The following PANK1 variants were observed in gnomAD, a reference collection of about 807,000 sequenced individuals.
The protein encoded by PANK1 is pantothenic acid kinase 1.
In PANK1, 18 loss-of-function variants were observed where a neutral mutation model predicts 40.1. That is an observed-to-expected ratio of 0.45 (90% CI 0.31 to 0.67). PANK1 has a LOEUF of 0.67. Among genes scored for constraint, PANK1 ranks in the 30% least tolerant of loss-of-function variants. The pLI is 0.06. For synonymous variants in PANK1, 242 were observed against 237.7 expected (o/e 1.02, Z -0.17); for missense variants, 457 against 599.6 (o/e 0.76, Z 2.48).
At chr10:89,639,596 C>A (rs1841914696) in intron 1 of PANK1, among the ~76,000 whole-genome samples, 1 of 152,166 alleles carries the variant, frequency 6.6e-6, no homozygotes, top group African/African-American at 2.4e-5. Context: ...GGCTTCATTG[C>A]TAGTAAGTAG....
chr10:89,595,795 T>G (rs1844549508), intron 3 of PANK1, among the ~76,000 whole-genome samples: 2 of 123,554 alleles, frequency 1.6e-5, no homozygotes, highest in Admixed American at 1.0e-4. Flanking sequence ...CCAGCCTGGG[T>G]GACAGAGCCG....
chr10:89,588,339 G>A (rs142792297), intron 6 of PANK1, among the ~76,000 whole-genome samples: 11 of 152,254 alleles, frequency 7.2e-5, no homozygotes, highest in African/African-American at 2.2e-4. Context: ...ATTCAGAGGT[G>A]GAACTGCTGG....
chr10:89,595,271 T>G (rs1306176265), intron 3 of PANK1, among the ~76,000 whole-genome samples: 1 of 151,584 alleles, frequency 6.6e-6, no homozygotes. Context: ...GCCAACAAGG[T>G]GAAACTCTGT....
chr10:89,640,569 A>G (rs531967480), intron 1 of PANK1, among the ~76,000 whole-genome samples: 2 of 152,356 alleles, frequency 1.3e-5, no homozygotes, highest in South Asian at 4.1e-4. Context: ...TTGTCATCCC[A>G]AGGTCCCAAG....
At chr10:89,631,540 A>G (rs916435652) in intron 1 of PANK1, among the ~76,000 whole-genome samples, 2 of 152,210 alleles carry the variant, frequency 1.3e-5, no homozygotes, top group African/African-American at 4.8e-5. Context: ...CACTGGCACC[A>G]TCCAAATGAC....
intron 1 of PANK1, among the ~76,000 whole-genome samples, chr10:89,618,084 G>T (rs567601533): frequency 6.6e-6 from 1 of 152,264 alleles, no homozygotes; most frequent in African/African-American, 2.4e-5. Flanking sequence ...TGGAGCCAAG[G>T]GCTGAAGAGA....
chr10:89,614,221 A>C (rs571028472), intron 1 of PANK1, among the ~76,000 whole-genome samples: 1 of 152,300 alleles, frequency 6.6e-6, no homozygotes, highest in East Asian at 1.9e-4. Flanking sequence ...GGATGGGAGA[A>C]GGGTATTTTG....
At chr10:89,630,069 G>T (rs1026843367) in intron 1 of PANK1, among the ~76,000 whole-genome samples, 1 of 152,144 alleles carries the variant, frequency 6.6e-6, no homozygotes, top group African/African-American at 2.4e-5. Context: ...CCAGGGTGAG[G>T]GTGAGAGGGT....
Position 89,584,251 on chromosome 10 carries a change from A to C in PANK1, c.*155T>G. 3.3e-6 allele frequency: 2 copies of C among 605,882 alleles called. No homozygotes were observed. Among genetic ancestry groups the C allele is most frequent in the South Asian group, 2.6e-5 (1 of 38,554 alleles). 37.5% of individuals were successfully genotyped at this position (605,882 alleles called of 1,614,324 possible). On this transcript the variant is annotated 3_prime_UTR_variant, in exon 7 of 7. Coordinates refer to ENST00000307534, the MANE Select transcript of PANK1 (RefSeq NM_148977.3). ...TCATTAGCTCAAAACCTAAGAGTAA[A>C]AGATCATCTGGAAGGATTTTAAATT...
At chr10:89,605,244 TTAAAA>T (rs569937577) in intron 2 of PANK1, among the ~76,000 whole-genome samples, 113 of 152,304 alleles carry the variant, frequency 7.4e-4, no homozygotes, top group African/African-American at 2.6e-3. Context: ...GGAAAAGTTC[TTAAAA>T]TAAACAAAAA....
At chr10:89,586,563 CAT>C (rs1247638549) in intron 6 of PANK1, among the ~76,000 whole-genome samples, 1 of 152,078 alleles carries the variant, frequency 6.6e-6, no homozygotes, top group Non-Finnish European at 1.5e-5. Flanking sequence ...AAAATGCAGG[CAT>C]AGAGAGTTCT....
At chr10:89,633,140 T>C (rs1841701225) in intron 1 of PANK1, among the ~76,000 whole-genome samples, 2 of 152,026 alleles carry the variant, frequency 1.3e-5, no homozygotes, top group African/African-American at 2.4e-5. Flanking sequence ...ACGGTGTATA[T>C]ATATATATAT....
chr10:89,589,439 C>T (rs764743254), intron 5 of PANK1, among the ~76,000 whole-genome samples: 2 of 152,210 alleles, frequency 1.3e-5, no homozygotes, highest in Admixed American at 6.5e-5. Flanking sequence ...CTTCAAATCC[C>T]GTAAGCTTCT....
intron 1 of PANK1, among the ~76,000 whole-genome samples, chr10:89,634,618 T>C (rs1247113013): frequency 2.0e-5 from 3 of 152,210 alleles, no homozygotes; most frequent in African/African-American, 4.8e-5. Flanking sequence ...TGAAGTCTTG[T>C]TCAATTCATG....
intron 1 of PANK1, among the ~76,000 whole-genome samples, chr10:89,641,378 G>A (rs1237823001): frequency 6.6e-6 from 1 of 152,262 alleles, no homozygotes; most frequent in East Asian, 1.9e-4. Context: ...ACTGGTAACA[G>A]ATTTGGGGTT....
downstream of PANK1, chr10:89,580,217 C>T (rs868108461): frequency 2.0e-5 from 3 of 152,090 alleles, no homozygotes; most frequent in Non-Finnish European, 1.5e-5. Context: ...TCTGTAGCTA[C>T]TGCATGAGGT....
intron 2 of PANK1, among the ~76,000 whole-genome samples, chr10:89,601,988 T>A (rs1236190713): frequency 6.6e-6 from 1 of 152,228 alleles, no homozygotes; most frequent in African/African-American, 2.4e-5. Context: ...CTCAAAGGCC[T>A]GCACATAATA....
At chr10:89,584,547 T>C in intron 6 of PANK1, 82 bp from the exon 7 acceptor site, 2 of 888,124 alleles carry the variant, frequency 2.3e-6, no homozygotes, top group African/African-American at 1.7e-5. Flanking sequence ...ATGCCACTAA[T>C]ATCGATAAAA....
intron 4 of PANK1, 58 bp from the exon 5 acceptor site, chr10:89,593,378 TC>T: frequency 6.3e-7 from 1 of 1,579,188 alleles, no homozygotes; most frequent in Non-Finnish European, 8.6e-7. Context: ...GGCCCATCCT[TC>T]CACCAAAGTA....
Sources: gnomAD v4.1 joint callset for allele counts (sites outside exome capture counted in the v4.1 genomes callset) on GRCh38, gnomAD v4.1.1 for gene constraint, MANE v1.5 for transcripts, NCBI Gene and HGNC (gene_info 2026-07-23, HGNC 2026-07-21) for gene names.